ZFYVE26: variants seen among roughly 807,000 people sequenced by gnomAD.
ZFYVE26 encodes zinc finger FYVE-type containing 26, also known as zinc finger FYVE domain-containing protein 26.
A neutral mutation model predicts 276.5 loss-of-function variants in ZFYVE26; 181 were observed. The observed-to-expected ratio is 0.65, with a 90% CI of 0.58 to 0.74. The LOEUF (loss-of-function observed/expected upper bound fraction) is 0.74. Ranked by LOEUF, ZFYVE26 falls within the 30% of genes least tolerant of loss-of-function variation. The pLI, the probability that ZFYVE26 is intolerant of heterozygous loss-of-function variation, is 0.00. For synonymous variants in ZFYVE26, 1,129 were observed against 1,203.1 expected, an observed-to-expected ratio of 0.94 and a Z score of 1.27; for missense variants, 2,821 against 3,097.9, an observed-to-expected ratio of 0.91 and a Z score of 2.12.
At chr14:67,758,843 G>A (rs1383677080) in intron 35 of ZFYVE26, among the ~76,000 whole-genome samples, 1 of 151,996 alleles carries the variant, frequency 6.6e-6, no homozygotes, top group Non-Finnish European at 1.5e-5. Flanking sequence ...CACCATCTTG[G>A]TCAGGCTGGT....
At chr14:67,798,865 C>T (rs977002710) in intron 10 of ZFYVE26, 3 of 856,852 alleles carry the variant, frequency 3.5e-6, no homozygotes, top group African/African-American at 3.4e-5. Flanking sequence ...CGAGGCCAAC[C>T]GGGCCTCCCC....
At chr14:67,744,160 G>A (rs2140171850), downstream of ZFYVE26, among the ~76,000 whole-genome samples, 1 of 152,190 alleles carries the variant, frequency 6.6e-6, no homozygotes, top group African/African-American at 2.4e-5. Context: ...TGGTTGCTTG[G>A]GTATTCAAAG....
chr14:67,798,591 G>A lies in ZFYVE26; in HGVS notation c.1671C>T (p.Ala557=), dbSNP rs372239298. 1.2e-6 allele frequency: 2 copies of A among 1,614,068 alleles called. No individual in the cohort carries two copies. The part of the protein sequence containing the change: ...GAANLFSTYL[A]RCQQYLCSIP... ...TACTGCACAGATACTGTTGACACCTGGCCAGGTAAGTTGAGAAGAGATTTG... is the reference window on the plus strand; with the variant it reads ...TACTGCACAGATACTGTTGACACCTAGCCAGGTAAGTTGAGAAGAGATTTG... The change falls in exon 11 of 42, where the codon GCC becomes GCT. Residue 557 remains alanine, a synonymous_variant. Transcript: ENST00000347230.
At chr14:67,774,868 T>C in intron 27 of ZFYVE26, 148 bp downstream of exon 27, 1 of 640,088 alleles carries the variant, frequency 1.6e-6, no homozygotes, top group Non-Finnish European at 2.7e-6. Flanking sequence ...GAGATATATA[T>C]AAATCTGGAA....
At position 67,748,579 on chromosome 14, in the gene ZFYVE26, C is replaced by G; in HGVS notation, c.7477G>C (p.Glu2493Gln). 2 of 1,614,192 alleles carry G rather than the reference C, an allele frequency of 1.2e-6. No homozygotes were observed. Among genetic ancestry groups the G allele is most frequent in the Non-Finnish European group, 1.7e-6 (2 of 1,180,044 alleles). Residue 2493 changes from glutamate to glutamine, a missense_variant, in exon 42 of 42, where the codon GAA becomes CAA. By Grantham distance (29) the Glu-to-Gln change is conservative (BLOSUM62 2). Coordinates refer to ENST00000347230, the MANE Select transcript of ZFYVE26 (RefSeq NM_015346.4). ...RSAYLIAVKQ[E>Q]HSRATALVQQ... ...ACAAGGGCTGTGGCCCGTGAGTGTT[C>G]TTGCTTCACAGCAATCAAGTAGGCA...
intron 27 of ZFYVE26, among the ~76,000 whole-genome samples, 161 bp from the exon 28 acceptor site, chr14:67,772,371 T>C (rs1470379294): frequency 2.0e-5 from 3 of 152,204 alleles, no homozygotes; most frequent in Non-Finnish European, 2.9e-5. Flanking sequence ...GAGAGACAAC[T>C]GAACATTGTG....
At chr14:67,745,889 G>A (rs1325244407), downstream of ZFYVE26, among the ~76,000 whole-genome samples, 5 of 100,598 alleles carry the variant, frequency 5.0e-5, no homozygotes, top group South Asian at 3.5e-4. Context: ...TTAGCCAGGC[G>A]ACTGCACTCC....
At chr14:67,759,904 A>G (rs923818832) in intron 35 of ZFYVE26, among the ~76,000 whole-genome samples, 3 of 152,168 alleles carry the variant, frequency 2.0e-5, no homozygotes, top group Non-Finnish European at 2.9e-5. Context: ...ACACAGGGAA[A>G]AGGCTAGGGA....
chr14:67,788,195 C>T (rs756520260), intron 16 of ZFYVE26, among the ~76,000 whole-genome samples: 19 of 152,038 alleles, frequency 1.2e-4, no homozygotes, highest in Non-Finnish European at 2.8e-4. Context: ...TCGAGATCAG[C>T]CTGACCAACA....
chr14:67,754,327 T>G, intron 37 of ZFYVE26, 115 bp from the exon 38 acceptor site: 1 of 1,424,966 alleles, frequency 7.0e-7, no homozygotes, highest in Admixed American at 1.7e-5. Flanking sequence ...AATGATATAG[T>G]GGGAAAAGAG....
chr14:67,794,105 G>T, intron 13 of ZFYVE26, 66 bp downstream of exon 13: 1 of 1,522,344 alleles, frequency 6.6e-7, no homozygotes, highest in Non-Finnish European at 9.1e-7. Context: ...TTTACACCAT[G>T]GTGTATGGCA....
chr14:67,768,484 TGAA>T, intron 30 of ZFYVE26, 30 bp downstream of exon 30: 2 of 1,612,022 alleles, frequency 1.2e-6, no homozygotes, highest in Non-Finnish European at 1.7e-6. Context: ...AGTACACAAA[TGAA>T]GAGTCACAGA....
At chr14:67,765,806 G>A (rs1161601111) in intron 32 of ZFYVE26, among the ~76,000 whole-genome samples, 1 of 152,214 alleles carries the variant, frequency 6.6e-6, no homozygotes, top group Non-Finnish European at 1.5e-5. Context: ...TGAAGTCACA[G>A]TTTGAATTTG....
At position 67,735,087 on chromosome 14, in the gene ZFYVE26, A is replaced by G. The variant is rs948474980; in HGVS notation, n.2680-5268T>C. The G allele has an allele frequency of 9.6e-6, 7 of 732,638 alleles. No individual in the cohort carries two copies. The African/African-American group carries it at 1.2e-4, about 13-fold the overall frequency. The allele number at this position is 732,638 out of a possible 1,614,324, so 45.4% of individuals were successfully genotyped here. A position where few individuals can be genotyped will look rare whatever the true frequency, so the allele number is the denominator to read the frequency against. Reference sequence around the variant, plus strand: ...CAGCAAATGACACCAAATATCGGGAAGCTGAGCAGCAAAGAATGCAAAAGA... The same window carrying G: ...CAGCAAATGACACCAAATATCGGGAGGCTGAGCAGCAAAGAATGCAAAAGA... On this transcript the variant is annotated intron_variant and non_coding_transcript_variant, in intron 13 of 14. Transcript: ENST00000394455.
chr14:67,809,408 CTTTTTTT>C, intron 3 of ZFYVE26, 119 bp from the exon 4 acceptor site: 1 of 208,300 alleles, frequency 4.8e-6, no homozygotes. Context: ...ATGAAGCACT[CTTTTTTT>C]TTTTTTTTTT....
chr14:67,754,882 G>A (rs1185713675), intron 37 of ZFYVE26, among the ~76,000 whole-genome samples, 169 bp downstream of exon 37: 2 of 152,126 alleles, frequency 1.3e-5, no homozygotes, highest in Non-Finnish European at 2.9e-5. Flanking sequence ...CCCACTACCA[G>A]CTCCTCTGTA....
intron 18 of ZFYVE26, 89 bp from the exon 19 acceptor site, chr14:67,785,366 C>A: frequency 8.3e-7 from 1 of 1,209,290 alleles, no homozygotes. Context: ...GTGAACTGTG[C>A]CCCCTATACA....
chr14:67,758,206 G>C (rs1158943669), intron 35 of ZFYVE26, among the ~76,000 whole-genome samples: 2 of 152,162 alleles, frequency 1.3e-5, no homozygotes, highest in East Asian at 3.9e-4. Flanking sequence ...GAATGGATCT[G>C]GGTTTTGAGA....
In ZFYVE26 at chr14:67,798,601, G is replaced by A. The variant is rs769650306; in HGVS notation, c.1661C>T (p.Thr554Ile). ...ATACTGTTGACACCTGGCCAGGTAA[G>A]TTGAGAAGAGATTTGCAGCACCTAC... ...SSPGAANLFS[T>I]YLARCQQYLC... The change falls in exon 11 of 42, where the codon ACT (threonine) becomes ATT (isoleucine). Residue 554 changes from threonine to isoleucine, a missense_variant. Physicochemically the swap from Thr to Ile is moderately conservative, Grantham distance 89. Transcript: ENST00000347230. 2.5e-6 allele frequency: 4 copies of A among 1,613,902 alleles called. No homozygotes were observed. The highest frequency in any genetic ancestry group is 3.4e-6 in the Non-Finnish European group (4 of 1,180,056).
Sources: allele counts gnomAD v4.1 joint callset (sites outside exome capture counted in the v4.1 genomes callset), GRCh38; gene constraint gnomAD v4.1.1; transcripts MANE v1.5; gene names NCBI Gene and HGNC (gene_info 2026-07-23, HGNC 2026-07-21).